Variants in SCAP observed in about 807,000 individuals in gnomAD.
SCAP encodes SREBF chaperone, also known as sterol regulatory element-binding protein cleavage-activating protein.
A neutral mutation model predicts 123.6 loss-of-function variants in SCAP; 65 were observed. The ratio of observed to expected loss-of-function variants is 0.53; its 90% CI spans 0.43 to 0.65. The LOEUF is 0.65. Ranked by LOEUF, SCAP falls within the 30% of genes least tolerant of loss-of-function variation. SCAP has a pLI of 0.00. For missense variants in SCAP, 1,398 were observed against 1,712.5 expected (o/e 0.82, Z 3.24); for synonymous variants, 740 against 726.3 (o/e 1.02, Z -0.30).
chr3:47,425,176 C>T (rs1473600139), intron 8 of SCAP: 5 of 289,408 alleles, frequency 1.7e-5, no homozygotes, highest in Non-Finnish European at 2.6e-5. Flanking sequence ...AATCCGACTA[C>T]ACACATGCAA....
At chr3:47,457,830 C>A (rs1179953033) in intron 1 of SCAP, among the ~76,000 whole-genome samples, 1 of 151,956 alleles carries the variant, frequency 6.6e-6, no homozygotes, top group Non-Finnish European at 1.5e-5. Flanking sequence ...TGGCATGAAC[C>A]CGGGAGGCGG....
At position 47,467,508 on chromosome 3, in the gene SCAP, G is replaced by C. The variant is rs555209139; in HGVS notation, c.-99+8291C>G. ...CAGTCCCAGCTACTTGGAAGACTGAGGTGGGAGGATCACTTGGGACCAGAG... is the reference window on the plus strand; with the variant it reads ...CAGTCCCAGCTACTTGGAAGACTGACGTGGGAGGATCACTTGGGACCAGAG... On this transcript the variant is annotated intron_variant, in intron 1 of 22. Coordinates refer to ENST00000265565, the MANE Select transcript of SCAP (RefSeq NM_012235.4). Among the ~76,000 whole-genome samples, 24 of 152,096 alleles carry C rather than the reference G, an allele frequency of 1.6e-4. 2 individuals carry two copies. The South Asian group carries it at 5.0e-3, about 32-fold the overall frequency.
At position 47,442,961 on chromosome 3, in the gene SCAP, T is replaced by G. The variant is rs1706864366; in HGVS notation, c.33A>C (p.Ile11=). Residue 11 remains isoleucine, a synonymous_variant, in exon 2 of 23, where the codon ATA becomes ATC. Coordinates refer to ENST00000265565, the MANE Select transcript of SCAP (RefSeq NM_012235.4). ...GCCCATGGTTGTAGAAGGCCCGAGA[T>G]ATCTTCTCACGCAGCCTTTCAGTCA... is the stretch of plus-strand genomic sequence containing the variant. MTLTERLREK[I]SRAFYNHGLL... is the part of the protein sequence containing the mutation. 6.2e-7 allele frequency: 1 copy of G among 1,614,102 alleles called. No individual in the cohort carries two copies. Among genetic ancestry groups the G allele is most frequent in the Non-Finnish European group, 8.5e-7 (1 of 1,180,022 alleles).
intron 1 of SCAP, among the ~76,000 whole-genome samples, chr3:47,468,333 C>T (rs1285728119): frequency 6.6e-6 from 1 of 152,188 alleles, no homozygotes; most frequent in African/African-American, 2.4e-5. Context: ...TACAGTCCCA[C>T]CAACAGTGTA....
intron 18 of SCAP, among the ~76,000 whole-genome samples, chr3:47,416,408 A>G (rs1432205468): frequency 2.0e-5 from 3 of 152,200 alleles, no homozygotes; most frequent in Non-Finnish European, 4.4e-5. Flanking sequence ...GGCCAAGGAG[A>G]AGAGAGGGTT....
At position 47,413,902 on chromosome 3, in the gene SCAP, A is replaced by G; in HGVS notation, c.3792T>C (p.Ser1264=). ...AGGGCACATACACCAGGCTGAGCTC[A>G]CTGCCAAAGTTGCAGACAATGGCAG... ...DNAAIVCNFG[S]ELSLVYVPSV... is the part of the protein sequence containing the mutation. Residue 1264 remains serine, a synonymous_variant, in exon 23 of 23, where the codon AGT becomes AGC. Coordinates refer to ENST00000265565, the MANE Select transcript of SCAP (RefSeq NM_012235.4). 1 of 1,613,054 alleles carries G rather than the reference A, an allele frequency of 6.2e-7. No individual in the cohort carries two copies. Among genetic ancestry groups the G allele is most frequent in the Non-Finnish European group, 8.5e-7 (1 of 1,179,914 alleles).
chr3:47,427,340 C>A (rs879657120), intron 5 of SCAP, 78 bp from the exon 6 acceptor site: 5 of 1,538,386 alleles, frequency 3.3e-6, no homozygotes, highest in Middle Eastern at 1.7e-4. Flanking sequence ...TTCTCACCCC[C>A]ACCCTGGGAA....
chr3:47,441,461 A>C (rs1000259967), intron 2 of SCAP, among the ~76,000 whole-genome samples: 1 of 152,030 alleles, frequency 6.6e-6, no homozygotes, highest in Admixed American at 6.6e-5. Flanking sequence ...GAGTGAGACC[A>C]TGTCTCAAAA....
Position 47,417,107 on chromosome 3 carries a change from G to C in SCAP, c.3056+15C>G. The C allele has an allele frequency of 1.2e-6, 2 of 1,611,696 alleles. No individual in the cohort carries two copies. Among genetic ancestry groups the C allele is most frequent in the Non-Finnish European group, 1.7e-6 (2 of 1,178,904 alleles). On this transcript the variant is annotated intron_variant, in intron 18 of 22. Transcript: ENST00000265565. ...AAGGCTGGGGACATCTGGGGCTGAG[G>C]CAGGCCACGCTCACCTTTTGTCCAA...
intron 2 of SCAP, among the ~76,000 whole-genome samples, chr3:47,440,759 C>G (rs572461776): frequency 3.9e-5 from 6 of 152,238 alleles, no homozygotes; most frequent in South Asian, 2.1e-4. Flanking sequence ...ACTCAGAGGG[C>G]TGAGGTAGGA....
At chr3:47,424,813 G>C (rs60178960) in intron 8 of SCAP, among the ~76,000 whole-genome samples, 3 of 152,278 alleles carry the variant, frequency 2.0e-5, no homozygotes, top group African/African-American at 7.2e-5. Context: ...GGGCCAAAGT[G>C]GTGGACAGGC....
intron 1 of SCAP, among the ~76,000 whole-genome samples, chr3:47,456,700 G>A (rs1452928423): frequency 6.6e-6 from 1 of 151,932 alleles, no homozygotes; most frequent in Non-Finnish European, 1.5e-5. Context: ...GGGAGGCGGA[G>A]GTTGCAGTGA....
chr3:47,421,336 C>T (rs1385654912), intron 10 of SCAP: 5 of 327,458 alleles, frequency 1.5e-5, no homozygotes, highest in Non-Finnish European at 2.4e-5. Context: ...CCGGAAACCT[C>T]TAAGCCCCAC....
Position 47,418,754 on chromosome 3 carries a change from C to G in SCAP, c.2030G>C (p.Ser677Thr). ...LEGRHPQDGR[S>T]AWPPPGPIPA... ...TATGGGCCCCGGTGGGGGCCAGGCACTGCGGCCGTCCTGAGGGTGCCGGCC... is the reference window on the plus strand; with the variant it reads ...TATGGGCCCCGGTGGGGGCCAGGCAGTGCGGCCGTCCTGAGGGTGCCGGCC... The change falls in exon 14 of 23, where the codon AGT (serine) becomes ACT (threonine). Residue 677 changes from serine (S) to threonine (T), a missense_variant. Transcript: ENST00000265565. The G allele has an allele frequency of 6.3e-7, 1 of 1,591,006 alleles. No individual in the cohort carries two copies. The highest frequency in any genetic ancestry group is 8.5e-7 in the Non-Finnish European group (1 of 1,171,290).
chr3:47,437,274 T>C (rs953308396), intron 2 of SCAP, among the ~76,000 whole-genome samples: 2 of 151,544 alleles, frequency 1.3e-5, no homozygotes, highest in African/African-American at 4.9e-5. Flanking sequence ...ACCCTGTCTC[T>C]ACTAAAAATT....
At chr3:47,418,612 C>A (rs1330459407) in intron 14 of SCAP, 43 bp downstream of exon 14, 4 of 1,552,278 alleles carry the variant, frequency 2.6e-6, no homozygotes, top group African/African-American at 2.7e-5. Context: ...ACCCGTCCCC[C>A]TCCCCGCACT....
At chr3:47,432,445 A>T (rs1395003355) in intron 3 of SCAP, among the ~76,000 whole-genome samples, 1 of 151,952 alleles carries the variant, frequency 6.6e-6, no homozygotes, top group African/African-American at 2.4e-5. Context: ...TTTACTTTAA[A>T]CTTTGAAAAA....
Position 47,419,827 on chromosome 3 carries a change from C to A in SCAP, c.1564-123G>T. 1 of 1,146,384 alleles carries A rather than the reference C, an allele frequency of 8.7e-7. No homozygotes were observed. The highest frequency in any genetic ancestry group is 2.0e-5 in the South Asian group (1 of 50,428). The allele number at this position is 1,146,384 out of a possible 1,614,324, so 71.0% of individuals were successfully genotyped here. ...CCTGGGGATGGAGAGAGGACACAGG[C>A]CCCACTGCGTCCTTTTCTCCTGCCT... On this transcript the variant is annotated intron_variant, in intron 12 of 22. Transcript: ENST00000265565. The surrounding 1 kb of genome is among the most constrained non-coding windows in gnomAD (Gnocchi z 5.0).
chr3:47,418,469 C>T lies in SCAP; in HGVS notation c.2183G>A (p.Cys728Tyr). ...GCGCGGGCATAGCACGCGGTAGAGG[C>T]AGAGCAGCAGCAGCACCAAGACGAT... is the stretch of plus-strand genomic sequence containing the variant. ...TGIVLVLLLL[C>Y]LYRVLCPRNY... The change falls in exon 15 of 23, where the codon TGC becomes TAC. Residue 728 changes from cysteine to tyrosine, a missense_variant. This residue lies in a region of SCAP where 828 missense variants were observed against 882.5 expected (regional missense o/e 0.94). Transcript: ENST00000265565. The T allele has an allele frequency of 6.3e-7, 1 of 1,599,928 alleles. No homozygotes were observed. Among genetic ancestry groups the T allele is most frequent in the Non-Finnish European group, 8.5e-7 (1 of 1,175,402 alleles).
Sources: allele counts gnomAD v4.1 joint callset (sites outside exome capture counted in the v4.1 genomes callset), GRCh38; gene constraint gnomAD v4.1.1; regional missense constraint gnomAD v4.1.1; non-coding constraint Gnocchi (gnomAD v3.1); transcripts MANE v1.5; gene names NCBI Gene and HGNC (gene_info 2026-07-23, HGNC 2026-07-21).